The following DTX1 variants were observed in gnomAD, a reference collection of about 807,000 sequenced individuals.
DTX1 encodes E3 ubiquitin-protein ligase DTX1.
A neutral mutation model predicts 57.8 loss-of-function variants in DTX1; 26 were observed. The ratio of observed to expected loss-of-function variants is 0.45; its 90% CI spans 0.33 to 0.62. The LOEUF is 0.62. Among genes scored for constraint, DTX1 ranks in the 20% least tolerant of loss-of-function variants. DTX1 has a pLI of 0.02. For synonymous variants in DTX1, 398 were observed against 394.1 expected (o/e 1.01, Z -0.12); for missense variants, 704 against 895.3 (o/e 0.79, Z 2.73).
At chr12:113,094,190 G>A (rs1340382789) in intron 6 of DTX1, 91 bp downstream of exon 6, 8 of 1,210,142 alleles carry the variant, frequency 6.6e-6, no homozygotes, top group Middle Eastern at 3.9e-4. Context: ...GTGATACAGA[G>A]CTCTTCTAGT....
At chr12:113,074,124 G>C (rs913601081) in intron 2 of DTX1, among the ~76,000 whole-genome samples, 4 of 152,170 alleles carry the variant, frequency 2.6e-5, no homozygotes. Context: ...AGCTACTTGG[G>C]AGTCTGAGGC....
intron 2 of DTX1, among the ~76,000 whole-genome samples, chr12:113,064,119 C>T (rs920596547): frequency 7.9e-5 from 12 of 152,182 alleles, no homozygotes; most frequent in African/African-American, 2.4e-4. Flanking sequence ...CTGGAGGCCT[C>T]CAGGGCTCAG....
At position 113,097,100 on chromosome 12, in the gene DTX1, G is replaced by A; in HGVS notation, c.*161G>A. On this transcript the variant is annotated 3_prime_UTR_variant, in exon 10 of 10. Coordinates refer to ENST00000548759, the MANE Select transcript of DTX1 (RefSeq NM_004416.3). The stretch of plus-strand genomic sequence containing the variant: ...TGCCTGGTGGCAGCTGGGATGAAGA[G>A]AGATGGCATGTCAGGCTGGCCCCGA... The A allele has an allele frequency of 1.3e-6, 1 of 753,770 alleles. No individual in the cohort carries two copies. The highest frequency in any genetic ancestry group is 1.9e-5 in the South Asian group (1 of 53,194). The allele number at this position is 753,770 out of a possible 1,614,324, so 46.7% of individuals were successfully genotyped here. A position where few individuals can be genotyped will look rare whatever the true frequency, so the allele number is the denominator to read the frequency against.
chr12:113,092,238 C>T (rs1950253118), intron 3 of DTX1, among the ~76,000 whole-genome samples: 1 of 151,870 alleles, frequency 6.6e-6, no homozygotes, highest in Non-Finnish European at 1.5e-5. Context: ...GTGATGATAC[C>T]GATGGCTGTG....
intron 3 of DTX1, among the ~76,000 whole-genome samples, chr12:113,079,305 C>G (rs1485553534): frequency 1.3e-5 from 2 of 152,022 alleles, no homozygotes; most frequent in African/African-American, 4.8e-5. Flanking sequence ...ATGGCATGGC[C>G]GGGGGAATTG....
At chr12:113,079,290 T>G (rs1192058807) in intron 3 of DTX1, among the ~76,000 whole-genome samples, 1 of 152,090 alleles carries the variant, frequency 6.6e-6, no homozygotes, top group Non-Finnish European at 1.5e-5. Context: ...TGTGCTTCAA[T>G]CACTATGGCA....
In DTX1 at chr12:113,058,300, C is replaced by T. The variant is rs1288136306; in HGVS notation, c.108C>T (p.Arg36=). The T allele has an allele frequency of 6.2e-7, 1 of 1,613,554 alleles. No individual in the cohort carries two copies. Among genetic ancestry groups the T allele is most frequent in the Non-Finnish European group, 8.5e-7 (1 of 1,180,020 alleles). The change falls in exon 2 of 10, where the codon CGC becomes CGT. Residue 36 remains arginine (R), a synonymous_variant. Transcript: ENST00000548759. ...VVWEWLNEHS[R]WRPYTATVCH... ...GGGAGTGGCTGAATGAGCACAGCCG[C>T]TGGCGGCCCTACACGGCCACCGTGT...
At chr12:113,091,284 AGTGT>A (rs748551666) in intron 3 of DTX1, among the ~76,000 whole-genome samples, 26 of 151,884 alleles carry the variant, frequency 1.7e-4, no homozygotes, top group African/African-American at 5.1e-4. Flanking sequence ...GGAATATGTG[AGTGT>A]GTGTGTATCT....
At chr12:113,072,043 C>A (rs2044741231) in intron 2 of DTX1, among the ~76,000 whole-genome samples, 1 of 152,200 alleles carries the variant, frequency 6.6e-6, no homozygotes, top group African/African-American at 2.4e-5. Flanking sequence ...TGTTGAGAAT[C>A]CTCCTCCTGG....
chr12:113,084,957 A>G (rs2136063083), intron 3 of DTX1, among the ~76,000 whole-genome samples: 1 of 149,288 alleles, frequency 6.7e-6, no homozygotes, highest in Admixed American at 6.7e-5. Context: ...TCTGGTCTTC[A>G]GTTTTTGCAT....
chr12:113,067,453 T>C (rs1348636591), intron 2 of DTX1, among the ~76,000 whole-genome samples: 1 of 151,962 alleles, frequency 6.6e-6, no homozygotes, highest in Non-Finnish European at 1.5e-5. Flanking sequence ...AGTTTCTCTC[T>C]GCAGCTCAGC....
chr12:113,093,462 G>A lies in DTX1; in HGVS notation c.1004-77G>A. ...ACCCTCCCACCCACCCGAGGGCCCC[G>A]GGATTCCCAGGGCCAGTGGTCGGGG... On this transcript the variant is annotated intron_variant, in intron 4 of 9. Coordinates refer to ENST00000548759, the MANE Select transcript of DTX1 (RefSeq NM_004416.3). This position sits in a 1 kb window ranked among gnomAD's most constrained non-coding sequence, Gnocchi z 4.2. 1 of 941,924 alleles carries A rather than the reference G, an allele frequency of 1.1e-6. No homozygotes were observed. Among genetic ancestry groups the A allele is most frequent in the Admixed American group, 3.4e-5 (1 of 29,708 alleles). 58.3% of individuals were successfully genotyped at this position (941,924 alleles called of 1,614,324 possible).
chr12:113,062,092 C>T (rs964609985), intron 2 of DTX1, among the ~76,000 whole-genome samples: 3 of 150,620 alleles, frequency 2.0e-5, no homozygotes, highest in African/African-American at 7.3e-5. Flanking sequence ...GCTGTAAAAC[C>T]CAAAACTCAT....
In DTX1 at chr12:113,093,736, C is replaced by G. The variant is rs1416852267; in HGVS notation, c.1165+36C>G. 10 of 1,606,116 alleles carry G rather than the reference C, an allele frequency of 6.2e-6. No homozygotes were observed. The highest frequency in any genetic ancestry group is 8.5e-6 in the Non-Finnish European group (10 of 1,174,804). On this transcript the variant is annotated intron_variant, in intron 5 of 9. Transcript: ENST00000548759. The surrounding 1 kb of genome is among the most constrained non-coding windows in gnomAD (Gnocchi z 4.2). Reference sequence around the variant, plus strand: ...CACGCCCTGCCTCACACGAGATGAACCCCACTAAGCCTTGACCACAACTCT... The same window carrying G: ...CACGCCCTGCCTCACACGAGATGAAGCCCACTAAGCCTTGACCACAACTCT...
intron 9 of DTX1, 144 bp downstream of exon 9, chr12:113,095,558 G>A (rs2136068370): frequency 4.1e-6 from 4 of 986,824 alleles, no homozygotes; most frequent in South Asian, 1.6e-5. Context: ...AACGACCACA[G>A]CCACCTCCTT....
At chr12:113,095,246 C>T in intron 8 of DTX1, 43 bp downstream of exon 8, 1 of 1,606,484 alleles carries the variant, frequency 6.2e-7, no homozygotes, top group South Asian at 1.1e-5. Context: ...CCCCCACACC[C>T]CTCCAACTCC....
chr12:113,087,142 A>C (rs1056923294), intron 3 of DTX1, among the ~76,000 whole-genome samples: 5 of 149,202 alleles, frequency 3.4e-5, no homozygotes, highest in Admixed American at 6.6e-5. Flanking sequence ...TGACCCCCGC[A>C]GCCCCCATAC....
chr12:113,088,324 G>A (rs765207829), intron 3 of DTX1, among the ~76,000 whole-genome samples: 16 of 152,218 alleles, frequency 1.1e-4, no homozygotes, highest in Admixed American at 3.3e-4. Flanking sequence ...TTGGCTTAGC[G>A]GTAAGGCATG....
chr12:113,077,425 C>A lies in DTX1; in HGVS notation c.261C>A (p.Gly87=). The A allele has an allele frequency of 1.9e-6, 3 of 1,602,590 alleles. No homozygotes were observed. Among genetic ancestry groups the A allele is most frequent in the Non-Finnish European group, 1.7e-6 (2 of 1,177,190 alleles). ...GCCTCCTCCCCATTTCGAGTACAGG[C>A]ACCATGCGGCCCGTGCGGCGCAACT... ...QSMHQFRQDT[G]TMRPVRRNFY... is the part of the protein sequence containing the mutation. The change falls in exon 3 of 10, where the codon GGC becomes GGA. Residue 87 remains glycine (G), a splice_region_variant and synonymous_variant. Transcript: ENST00000548759. This position sits in a 1 kb window ranked among gnomAD's most constrained non-coding sequence, Gnocchi z 7.8.
Sources: gnomAD v4.1 joint callset for allele counts (sites outside exome capture counted in the v4.1 genomes callset) on GRCh38, gnomAD v4.1.1 for gene constraint, Gnocchi (gnomAD v3.1) non-coding constraint, MANE v1.5 for transcripts, NCBI Gene and HGNC (gene_info 2026-07-23, HGNC 2026-07-21) for gene names.